UBE2E2: variants seen among roughly 807,000 people sequenced by gnomAD.
The protein encoded by UBE2E2 is ubiquitin-conjugating enzyme E2 E2.
UBE2E2 carries 6 observed loss-of-function variants against 24.7 expected under a neutral mutation model. The ratio of observed to expected loss-of-function variants is 0.24; its 90% CI spans 0.13 to 0.48. The LOEUF is 0.48. UBE2E2 is among the 20% of genes least tolerant of loss of function. The probability of loss-of-function intolerance (pLI) is 0.99; values close to 1 mark genes in which losing one functional copy is unlikely to be tolerated. For missense variants in UBE2E2, 169 were observed against 245.0 expected, an observed-to-expected ratio of 0.69 and a Z score of 2.07; for synonymous variants, 104 against 83.6, an observed-to-expected ratio of 1.24 and a Z score of -1.33.
At chr3:23,277,423 A>T (rs1698396274) in intron 3 of UBE2E2, among the ~76,000 whole-genome samples, 1 of 152,114 alleles carries the variant, frequency 6.6e-6, no homozygotes, top group Admixed American at 6.5e-5. Context: ...TTCAAGGGTC[A>T]ACGTTTGTAT....
chr3:23,210,525 G>A (rs1489975952), intron 2 of UBE2E2, among the ~76,000 whole-genome samples: 2 of 152,182 alleles, frequency 1.3e-5, no homozygotes, highest in Non-Finnish European at 2.9e-5. Context: ...AGTTTTTCAA[G>A]TACGTGGGTC....
chr3:23,212,628 A>C (rs1004194430), intron 2 of UBE2E2, among the ~76,000 whole-genome samples: 12 of 151,980 alleles, frequency 7.9e-5, no homozygotes, highest in Non-Finnish European at 1.8e-4. Context: ...AATTTTTGTT[A>C]GGTTGAAAGA....
intron 3 of UBE2E2, among the ~76,000 whole-genome samples, chr3:23,349,931 C>T (rs1225772847): frequency 6.6e-6 from 1 of 152,246 alleles, no homozygotes; most frequent in Non-Finnish European, 1.5e-5. Flanking sequence ...AGACTGCCTC[C>T]TCAAGTGGGT....
At chr3:23,425,464 CATT>C (rs897053267) in intron 3 of UBE2E2, among the ~76,000 whole-genome samples, 1 of 152,140 alleles carries the variant, frequency 6.6e-6, no homozygotes, top group African/African-American at 2.4e-5. Flanking sequence ...GCTTAGAAGT[CATT>C]ACGTCAAAAA....
At position 23,374,147 on chromosome 3, in the gene UBE2E2, G is replaced by C. The variant is rs142532878; in HGVS notation, c.228-125461G>C. Among the ~76,000 whole-genome samples the C allele has an allele frequency of 8.4e-3, 1,271 of 152,102 alleles. 13 individuals are homozygous for C. Among genetic ancestry groups the C allele is most frequent in the African/African-American group, 0.029 (1,206 of 41,516 alleles). ...ATAGAATACTTAAACGTTTCAATTA[G>C]GAATTTCAGCTTAATAAAATTACAT... On this transcript the variant is annotated intron_variant, in intron 3 of 5. Transcript: ENST00000396703.
chr3:23,569,842 A>T (rs1692882280), intron 5 of UBE2E2, among the ~76,000 whole-genome samples: 1 of 152,196 alleles, frequency 6.6e-6, no homozygotes, highest in Non-Finnish European at 1.5e-5. Context: ...TTAAGTTTTT[A>T]AAAATATTTT....
At chr3:23,517,520 T>C (rs1280773599) in intron 4 of UBE2E2, among the ~76,000 whole-genome samples, 1 of 152,208 alleles carries the variant, frequency 6.6e-6, no homozygotes, top group Non-Finnish European at 1.5e-5. Context: ...TCCTTTCAAA[T>C]GTAAATATTC....
At chr3:23,492,969 T>C (rs570967417) in intron 3 of UBE2E2, among the ~76,000 whole-genome samples, 1 of 152,188 alleles carries the variant, frequency 6.6e-6, no homozygotes, top group Admixed American at 6.5e-5. Context: ...AATAGATAAA[T>C]AGTAATTATT....
At chr3:23,267,445 A>G (rs975781969) in intron 3 of UBE2E2, among the ~76,000 whole-genome samples, 75 of 152,266 alleles carry the variant, frequency 4.9e-4, no homozygotes, top group African/African-American at 1.7e-3. Flanking sequence ...AAATAAACTA[A>G]AAAATCTAGA....
At chr3:23,564,615 A>G (rs1181583173) in intron 5 of UBE2E2, among the ~76,000 whole-genome samples, 1 of 152,140 alleles carries the variant, frequency 6.6e-6, no homozygotes, top group Non-Finnish European at 1.5e-5. Flanking sequence ...ATTTCCAAAC[A>G]TAATTCTGTG....
intron 3 of UBE2E2, among the ~76,000 whole-genome samples, chr3:23,257,059 A>G (rs767117516): frequency 2.7e-4 from 41 of 152,222 alleles, no homozygotes; most frequent in Admixed American, 2.7e-3. Flanking sequence ...TCTTGAGAAG[A>G]GTGTGCTTTT....
chr3:23,579,905 C>T lies in UBE2E2; in HGVS notation c.509-9829C>T, dbSNP rs568312281. On this transcript the variant is annotated intron_variant, in intron 5 of 5. Coordinates refer to ENST00000396703, the MANE Select transcript of UBE2E2 (RefSeq NM_152653.4). ...TTTTGAACAAGTTGATTCCAACTCT[C>T]GTGGATGATTTGAGGGTTTCACAAC... Among the ~76,000 whole-genome samples, 9 of 152,142 alleles carry T rather than the reference C, an allele frequency of 5.9e-5. No homozygotes were observed. In the South Asian group the frequency reaches 8.3e-4, roughly 14 times the overall value.
In UBE2E2 at chr3:23,449,803, C is replaced by T. The variant is rs765769238; in HGVS notation, c.228-49805C>T. 8.5e-5 allele frequency: 79 copies of T among 925,736 alleles called. 2 individuals are homozygous for T. Among genetic ancestry groups the T allele is most frequent in the East Asian group, 3.5e-4 (3 of 8,514 alleles). 57.3% of individuals were successfully genotyped at this position (925,736 alleles called of 1,614,324 possible). A position where few individuals can be genotyped will look rare whatever the true frequency, so the allele number is the denominator to read the frequency against. On this transcript the variant is annotated intron_variant, in intron 3 of 5. Coordinates refer to ENST00000396703, the MANE Select transcript of UBE2E2 (RefSeq NM_152653.4). Reference sequence around the variant, plus strand: ...GTAAGCAGTGTTTTTAATATCTCAACGGGGAAAAGTTTTAAAGCTGGCTAA... The same window carrying T: ...GTAAGCAGTGTTTTTAATATCTCAATGGGGAAAAGTTTTAAAGCTGGCTAA...
At chr3:23,401,848 CTTTT>C (rs35903137) in intron 3 of UBE2E2, among the ~76,000 whole-genome samples, 5 of 67,702 alleles carry the variant, frequency 7.4e-5, no homozygotes, top group African/African-American at 3.7e-4. Flanking sequence ...TGCCTGGCTA[CTTTT>C]TTTTTTTTTT....
chr3:23,563,132 T>A (rs912222757), intron 5 of UBE2E2, among the ~76,000 whole-genome samples: 1 of 152,208 alleles, frequency 6.6e-6, no homozygotes, highest in East Asian at 1.9e-4. Context: ...TGTTTGCTCT[T>A]GCTTCTCTAG....
intron 3 of UBE2E2, among the ~76,000 whole-genome samples, chr3:23,239,720 A>G (rs1034163811): frequency 1.3e-5 from 2 of 152,232 alleles, no homozygotes; most frequent in Non-Finnish European, 2.9e-5. Context: ...TGAGTATTAC[A>G]TAAGCCAGGC....
At chr3:23,578,737 G>A (rs1479500494) in intron 5 of UBE2E2, among the ~76,000 whole-genome samples, 1 of 152,102 alleles carries the variant, frequency 6.6e-6, no homozygotes, top group Non-Finnish European at 1.5e-5. Flanking sequence ...AGAGTACATG[G>A]AAACATGGTG....
At chr3:23,284,796 T>C (rs1182492974) in intron 3 of UBE2E2, among the ~76,000 whole-genome samples, 2 of 151,786 alleles carry the variant, frequency 1.3e-5, no homozygotes, top group African/African-American at 4.8e-5. Context: ...GTGGTATCCA[T>C]CACTTGAAGC....
At chr3:23,445,217 C>T (rs1374918552) in intron 3 of UBE2E2, among the ~76,000 whole-genome samples, 1 of 152,174 alleles carries the variant, frequency 6.6e-6, no homozygotes, top group Non-Finnish European at 1.5e-5. Context: ...GGCTGACAGC[C>T]ATAGAATAAA....
Sources: gnomAD v4.1 joint callset for allele counts (sites outside exome capture counted in the v4.1 genomes callset) on GRCh38, gnomAD v4.1.1 for gene constraint, MANE v1.5 for transcripts, NCBI Gene and HGNC (gene_info 2026-07-23, HGNC 2026-07-21) for gene names.